CAST: variants seen among roughly 807,000 people sequenced by gnomAD.
CAST encodes calpastatin, also known as MIR583 host.
In CAST, 76 loss-of-function variants were observed where a neutral mutation model predicts 119.6. That is an observed-to-expected ratio of 0.64 (90% CI 0.53 to 0.77). The LOEUF (loss-of-function observed/expected upper bound fraction) is 0.77. Among genes scored for constraint, CAST ranks in the 30% least tolerant of loss-of-function variants. The pLI is 0.00. For synonymous variants in CAST, 319 were observed against 331.6 expected (o/e 0.96, Z 0.41); for missense variants, 953 against 946.5 (o/e 1.01, Z -0.09).
chr5:96,111,080 G>C, the CAST span: 1 of 152,228 alleles, frequency 6.6e-6, no homozygotes, highest in East Asian at 1.9e-4. Context: ...ATCACAAGTA[G>C]TGAGTCCCCA....
At chr5:96,538,751 G>A (rs554370494) in intron 1 of CAST, among the ~76,000 whole-genome samples, 97 of 44,256 alleles carry the variant, frequency 2.2e-3, no homozygotes, top group African/African-American at 6.5e-3. Flanking sequence ...CACACACACC[G>A]CTCCCTCAGA....
chr5:96,461,543 T>A, the CAST span, among the ~76,000 whole-genome samples: 2 of 152,096 alleles, frequency 1.3e-5, no homozygotes, highest in East Asian at 3.9e-4. Context: ...TTTTTAATGA[T>A]AGCCATCCTA....
the CAST span, among the ~76,000 whole-genome samples, chr5:96,399,683 C>T: frequency 6.6e-6 from 1 of 152,116 alleles, no homozygotes; most frequent in Admixed American, 6.5e-5. Context: ...GGTGGTTGAT[C>T]ACAGTTTAAT....
the CAST span, among the ~76,000 whole-genome samples, chr5:96,252,895 ATGAC>A: frequency 6.6e-6 from 1 of 152,164 alleles, no homozygotes; most frequent in South Asian, 2.1e-4. Context: ...TGGTAACAGA[ATGAC>A]TGGAGTCTGA....
chr5:96,163,375 A>T, the CAST span, among the ~76,000 whole-genome samples: 1 of 152,138 alleles, frequency 6.6e-6, no homozygotes, highest in Non-Finnish European at 1.5e-5. Flanking sequence ...GATCTTCTCT[A>T]TTCTTTTTCT....
the CAST span, among the ~76,000 whole-genome samples, chr5:96,098,450 T>G: frequency 6.6e-6 from 1 of 152,178 alleles, no homozygotes; most frequent in Non-Finnish European, 1.5e-5. Context: ...ATTTTCATAG[T>G]TTTTGGTTTT....
chr5:96,384,200 G>A, the CAST span, among the ~76,000 whole-genome samples: 31 of 152,106 alleles, frequency 2.0e-4, no homozygotes, highest in Non-Finnish European at 4.0e-4. Context: ...CCTTTCATGC[G>A]TAGGAAATTG....
At chr5:96,645,210 G>A (rs1747999738) in intron 1 of CAST, among the ~76,000 whole-genome samples, 1 of 152,052 alleles carries the variant, frequency 6.6e-6, no homozygotes, top group South Asian at 2.1e-4. Flanking sequence ...CTCGATATGA[G>A]CTTATCTGAT....
chr5:96,681,552 T>C (rs1386843887), intron 2 of CAST, among the ~76,000 whole-genome samples: 1 of 151,454 alleles, frequency 6.6e-6, no homozygotes, highest in Non-Finnish European at 1.5e-5. Context: ...GCTAAAACGG[T>C]GAAACCCCGT....
rs1233290316 is a variant in CAST at position 96,594,370 on chromosome 5, A to G, written c.60+64490A>G. On this transcript the variant is annotated intron_variant, in intron 1 of 11. Coordinates refer to the CAST transcript ENST00000505143. ...GTGTTGGTAGAATGCATGAATGTCAAGATGTAAACAGAAAAACAGTCGAGT... is the reference window on the plus strand; with the variant it reads ...GTGTTGGTAGAATGCATGAATGTCAGGATGTAAACAGAAAAACAGTCGAGT... Among the ~76,000 whole-genome samples the G allele has an allele frequency of 2.0e-5, 3 of 152,246 alleles. No individual in the cohort carries two copies. In the East Asian group the frequency reaches 5.8e-4, roughly 29 times the overall value.
chr5:96,603,256 GA>G (rs1747189354), intron 1 of CAST, among the ~76,000 whole-genome samples: 1 of 152,186 alleles, frequency 6.6e-6, no homozygotes, highest in African/African-American at 2.4e-5. Context: ...TGTATTCAGG[GA>G]GGTAAGAGAG....
the CAST span, among the ~76,000 whole-genome samples, chr5:96,214,606 C>T: frequency 6.6e-6 from 1 of 152,108 alleles, no homozygotes; most frequent in African/African-American, 2.4e-5. Flanking sequence ...CAGTTCTAGT[C>T]AAAGAATAAG....
At chr5:96,328,382 C>CTCTCTCTCTCTCTCTCTCT in the CAST span, among the ~76,000 whole-genome samples, 12 of 18,940 alleles carry the variant, frequency 6.3e-4, 3 homozygotes, top group African/African-American at 1.8e-3. Flanking sequence ...CTTCTCTCTC[C>CTCTCTCTCTCTCTCTCTCT]CTCTCTCTCT....
chr5:96,102,718 T>A, the CAST span, among the ~76,000 whole-genome samples: 9 of 140,766 alleles, frequency 6.4e-5, no homozygotes, highest in Admixed American at 6.3e-4. Flanking sequence ...TCTAGTTTTC[T>A]TGGGGTTTTT....
chr5:96,746,522 C>G, intron 17 of CAST, 97 bp downstream of exon 17: 1 of 802,780 alleles, frequency 1.2e-6, no homozygotes, highest in Non-Finnish European at 2.2e-6. Flanking sequence ...ACATGTCTGT[C>G]CCCCATTCAG....
chr5:96,505,512 A>G, the CAST span, among the ~76,000 whole-genome samples: 1 of 152,102 alleles, frequency 6.6e-6, no homozygotes, highest in African/African-American at 2.4e-5. Flanking sequence ...AAATCTAAGG[A>G]AAAGGAATAT....
chr5:96,559,305 G>A (rs952650897), intron 1 of CAST, among the ~76,000 whole-genome samples: 1 of 152,100 alleles, frequency 6.6e-6, no homozygotes, highest in Non-Finnish European at 1.5e-5. Context: ...CTAAAGACAG[G>A]GATGTCCTCT....
At chr5:96,284,786 G>C in the CAST span, among the ~76,000 whole-genome samples, 1 of 152,186 alleles carries the variant, frequency 6.6e-6, no homozygotes. Context: ...AGTGATTAAA[G>C]AGAAAAAGCT....
intron 3 of CAST, among the ~76,000 whole-genome samples, chr5:96,704,341 T>A (rs537829758): frequency 7.9e-5 from 12 of 152,340 alleles, no homozygotes; most frequent in African/African-American, 2.9e-4. Flanking sequence ...TCTGGCAGAA[T>A]TGACTAAGTA....
Sources: allele counts gnomAD v4.1 joint callset (sites outside exome capture counted in the v4.1 genomes callset), GRCh38; gene constraint gnomAD v4.1.1; transcripts MANE v1.5; gene names NCBI Gene and HGNC (gene_info 2026-07-23, HGNC 2026-07-21).